The following INTS8 variants were observed in gnomAD, a reference collection of about 807,000 sequenced individuals.
The protein encoded by INTS8 is integrator complex subunit 8, also known as protein kaonashi-1.
INTS8 carries 47 observed loss-of-function variants against 138.9 expected under a neutral mutation model. That is an observed-to-expected ratio of 0.34 (90% confidence interval 0.27 to 0.43). INTS8 has a LOEUF of 0.43. INTS8 is among the 20% of genes least tolerant of loss of function. The probability of loss-of-function intolerance (pLI) is 1.00; values close to 1 mark genes in which losing one functional copy is unlikely to be tolerated. For synonymous variants in INTS8, 392 were observed against 400.9 expected (o/e 0.98, Z 0.27); for missense variants, 996 against 1,173.0 (o/e 0.85, Z 2.20).
At chr8:94,829,281 A>G (rs1282799324) in intron 5 of INTS8, among the ~76,000 whole-genome samples, 3 of 151,924 alleles carry the variant, frequency 2.0e-5, no homozygotes, top group East Asian at 1.9e-4. Flanking sequence ...TTTAGAATCA[A>G]CGGGAACCCT....
chr8:94,867,363 TATTA>T (rs1339789083), intron 20 of INTS8, 26 bp downstream of exon 20: 2 of 1,556,488 alleles, frequency 1.3e-6, no homozygotes, highest in African/African-American at 1.4e-5. Context: ...GCTTTTATTT[TATTA>T]ATTGAGTTAT....
chr8:94,853,741 A>T, intron 13 of INTS8, 64 bp from the exon 14 acceptor site: 1 of 852,682 alleles, frequency 1.2e-6, no homozygotes, highest in East Asian at 2.5e-5. Context: ...TTGTTGAAAG[A>T]TTCTTATCTA....
At chr8:94,854,276 C>G (rs375283462) in intron 14 of INTS8, among the ~76,000 whole-genome samples, 40 of 151,404 alleles carry the variant, frequency 2.6e-4, no homozygotes, top group Middle Eastern at 3.5e-3. Context: ...CCAGAACTTA[C>G]CTTTTCCTAA....
chr8:94,864,526 G>A (rs916718779), intron 16 of INTS8, among the ~76,000 whole-genome samples: 2 of 152,120 alleles, frequency 1.3e-5, no homozygotes, highest in African/African-American at 4.8e-5. Flanking sequence ...TGGCCAACAT[G>A]GTGAAACCCC....
chr8:94,849,799 T>TA, intron 11 of INTS8, 117 bp from the exon 12 acceptor site: 2 of 706,384 alleles, frequency 2.8e-6, no homozygotes, highest in Non-Finnish European at 4.6e-6. Flanking sequence ...AAAATATCAT[T>TA]ATACAGTTTA....
intron 3 of INTS8, 81 bp from the exon 4 acceptor site, chr8:94,827,641 C>G (rs542936494): frequency 8.3e-7 from 1 of 1,210,786 alleles, no homozygotes; most frequent in Admixed American, 1.8e-5. Context: ...ATAATTTATA[C>G]AAACCTAAGG....
rs1814361286 is a variant in INTS8, at chr8:94,823,553, C to T, written c.122C>T (p.Pro41Leu). ...CTGTTGGAGAAACATCTGCGCAAGC[C>T]CTGCCCGGGTGAGCGCGGCGCCTGC... The part of the protein sequence containing the change: ...ESLLEKHLRK[P>L]CPDPAPVQLI... The change falls in exon 1 of 27, where the codon CCC (proline) becomes CTC (leucine). Residue 41 changes from proline (P) to leucine (L), a missense_variant. By Grantham distance (98) the Pro-to-Leu change is moderately conservative (BLOSUM62 -3). Transcript: ENST00000523731. The T allele has an allele frequency of 8.3e-6, 13 of 1,574,694 alleles. No homozygotes were observed. Among genetic ancestry groups the T allele is most frequent in the Admixed American group, 7.4e-5 (4 of 54,034 alleles).
rs1477816704 is a variant in INTS8, at chr8:94,823,400, G to A, written c.-32G>A. The A allele has an allele frequency of 6.6e-7, 1 of 1,513,146 alleles. No individual in the cohort carries two copies. The allele number at this position is 1,513,146 out of a possible 1,614,324, so 93.7% of individuals were successfully genotyped here. A position where few individuals can be genotyped will look rare whatever the true frequency, so the allele number is the denominator to read the frequency against. On this transcript the variant is annotated 5_prime_UTR_variant, in exon 1 of 27. Transcript: ENST00000523731. ...CCAAGTGTCAGGTTGGAGCCGGGAA[G>A]CGGCCCTGGTGGTAGCGGCGGCGGG... is the stretch of plus-strand genomic sequence containing the variant.
chr8:94,847,423 T>A (rs1815371219), intron 10 of INTS8, among the ~76,000 whole-genome samples: 2 of 152,170 alleles, frequency 1.3e-5, no homozygotes, highest in Admixed American at 1.3e-4. Flanking sequence ...AGTTGAGGCA[T>A]CTGTCTTTTT....
intron 2 of INTS8, among the ~76,000 whole-genome samples, chr8:94,826,603 A>G (rs184163512): frequency 6.7e-4 from 102 of 152,304 alleles, no homozygotes; most frequent in African/African-American, 2.4e-3. Context: ...TTAGATGTGA[A>G]ATTAATATTG....
Position 94,829,017 on chromosome 8 carries a change from T to G in INTS8, c.561T>G (p.Ile187Met). ...AGGAAAAAGAGCTAACAGAAAACATTTTGAAAGTGGTAAGTATTGGCATCA... is the reference window on the plus strand; with the variant it reads ...AGGAAAAAGAGCTAACAGAAAACATGTTGAAAGTGGTAAGTATTGGCATCA... The part of the protein sequence containing the change: ...MQQEKELTEN[I>M]LKVLKEQAAD... The change falls in exon 5 of 27, where the codon ATT (isoleucine) becomes ATG (methionine). Residue 187 changes from isoleucine to methionine, a missense_variant. By Grantham distance (10) the Ile-to-Met change is conservative. Transcript: ENST00000523731. 1 of 1,599,552 alleles carries G rather than the reference T, an allele frequency of 6.3e-7. No individual in the cohort carries two copies. The highest frequency in any genetic ancestry group is 8.5e-7 in the Non-Finnish European group (1 of 1,171,820).
Position 94,823,370 on chromosome 8 carries a change from C to T in INTS8, c.-62C>T. On this transcript the variant is annotated 5_prime_UTR_variant, in exon 1 of 27. Transcript: ENST00000523731. Reference sequence around the variant, plus strand: ...GTTCCGCATACCCCAGGCACCGGCCCGCATCCAAGTGTCAGGTTGGAGCCG... The same window carrying T: ...GTTCCGCATACCCCAGGCACCGGCCTGCATCCAAGTGTCAGGTTGGAGCCG... The T allele has an allele frequency of 2.7e-6, 4 of 1,503,418 alleles. No homozygotes were observed. Among genetic ancestry groups the T allele is most frequent in the African/African-American group, 1.4e-5 (1 of 71,854 alleles). 93.1% of individuals were successfully genotyped at this position (1,503,418 alleles called of 1,614,324 possible). A position where few individuals can be genotyped will look rare whatever the true frequency, so the allele number is the denominator to read the frequency against.
intron 16 of INTS8, among the ~76,000 whole-genome samples, chr8:94,860,794 G>T (rs1367356941): frequency 6.6e-6 from 1 of 151,830 alleles, no homozygotes; most frequent in South Asian, 2.1e-4. Flanking sequence ...AGTGGCTCAC[G>T]CCTGCAATCC....
In INTS8 at chr8:94,850,051, T is replaced by C. The variant is rs1815474413; in HGVS notation, c.1467T>C (p.Asn489=). 6.2e-7 allele frequency: 1 copy of C among 1,611,704 alleles called. No homozygotes were observed. The highest frequency in any genetic ancestry group is 8.5e-7 in the Non-Finnish European group (1 of 1,178,894). Reference sequence around the variant, plus strand: ...TGAGGAAGAGATCCCCTAGAGTAAATCTGTGCATTAAACCTGTAACTTCAT... The same window carrying C: ...TGAGGAAGAGATCCCCTAGAGTAAACCTGTGCATTAAACCTGTAACTTCAT... ...DQMRKRSPRV[N]LCIKPVTSFY... Residue 489 remains asparagine (N), a synonymous_variant, in exon 12 of 27, where the codon AAT becomes AAC. Transcript: ENST00000523731.
rs1020158346 is a variant in INTS8 at position 94,867,207 on chromosome 8, C to T, written c.2352+11C>T. 1.9e-6 allele frequency: 3 copies of T among 1,603,572 alleles called. No individual in the cohort carries two copies. In the African/African-American group the frequency reaches 4.0e-5, roughly 22 times the overall value. ...CTTCACAATGTTCGGGTAAGTATTT[C>T]ATAATTTCATTTAGAAAAATTTAAA... On this transcript the variant is annotated intron_variant, in intron 19 of 26. Transcript: ENST00000523731.
rs1022640458 is a variant in INTS8 at position 94,856,852 on chromosome 8, G to T, written c.1828G>T (p.Val610Phe). The T allele has an allele frequency of 1.2e-6, 2 of 1,614,132 alleles. No individual in the cohort carries two copies. Among genetic ancestry groups the T allele is most frequent in the East Asian group, 4.5e-5 (2 of 44,876 alleles). Residue 610 changes from valine to phenylalanine, a missense_variant, in exon 15 of 27, where the codon GTC becomes TTC. Val to Phe is a conservative substitution (Grantham distance 50). Transcript: ENST00000523731. The stretch of plus-strand genomic sequence containing the variant: ...AGAGTTCTCACCGAAGCTTCGTCAG[G>T]TCATGCTGAATGAGATGTTGCTTTT... ...VTEFSPKLRQ[V>F]MLNEMLLLDI... is the part of the protein sequence containing the mutation.
chr8:94,824,534 G>A (rs1337940185), intron 1 of INTS8, among the ~76,000 whole-genome samples: 2 of 152,088 alleles, frequency 1.3e-5, no homozygotes, highest in South Asian at 2.1e-4. Flanking sequence ...CAAAATAATA[G>A]TTCTAATATT....
At chr8:94,878,897 T>A (rs1194305155) in intron 26 of INTS8, among the ~76,000 whole-genome samples, 3 of 152,238 alleles carry the variant, frequency 2.0e-5, no homozygotes, top group African/African-American at 4.8e-5. Context: ...TCTCTATTTC[T>A]TCCTTTTTGT....
At chr8:94,850,162 T>C in intron 12 of INTS8, 71 bp downstream of exon 12, 1 of 1,023,976 alleles carries the variant, frequency 9.8e-7, no homozygotes, top group Non-Finnish European at 1.4e-6. Context: ...CCTTGAAATA[T>C]ATTTGAGGAT....
Sources: allele counts gnomAD v4.1 joint callset (sites outside exome capture counted in the v4.1 genomes callset), GRCh38; gene constraint gnomAD v4.1.1; transcripts MANE v1.5; gene names NCBI Gene and HGNC (gene_info 2026-07-23, HGNC 2026-07-21).